Variants in PPP2R2B observed in about 807,000 individuals in gnomAD.
PPP2R2B encodes serine/threonine-protein phosphatase 2A 55 kDa regulatory subunit B beta isoform.
In PPP2R2B, 5 loss-of-function variants were observed where a neutral mutation model predicts 46.0. The ratio of observed to expected loss-of-function variants is 0.11; its 90% confidence interval spans 0.06 to 0.23. The LOEUF (loss-of-function observed/expected upper bound fraction) is 0.23, where lower values mean the gene tolerates loss of function less well. Ranked by LOEUF, PPP2R2B falls within the 10% of genes least tolerant of loss-of-function variation. PPP2R2B has a pLI of 1.00. For missense variants in PPP2R2B, 367 were observed against 575.0 expected (o/e 0.64, Z 3.70); for synonymous variants, 215 against 206.7 (o/e 1.04, Z -0.34).
intron 2 of PPP2R2B, among the ~76,000 whole-genome samples, chr5:146,831,377 A>C (rs1035862203): frequency 1.3e-5 from 2 of 151,826 alleles, no homozygotes; most frequent in Non-Finnish European, 2.9e-5. Context: ...GGTGCCTGTA[A>C]GCCCAGCTAC....
chr5:146,650,479 C>T, intron 6 of PPP2R2B, 68 bp downstream of exon 6: 4 of 1,447,156 alleles, frequency 2.8e-6, no homozygotes, highest in Non-Finnish European at 3.8e-6. Flanking sequence ...CATATTTTCT[C>T]CCAGCCCACT....
chr5:146,869,842 A>C (rs1761512212), intron 2 of PPP2R2B, among the ~76,000 whole-genome samples: 1 of 152,254 alleles, frequency 6.6e-6, no homozygotes, highest in African/African-American at 2.4e-5. Context: ...AGACCTCCCA[A>C]CTTGAGTGTC....
chr5:146,678,151 C>G (rs1283265291), intron 5 of PPP2R2B, among the ~76,000 whole-genome samples: 1 of 152,134 alleles, frequency 6.6e-6, no homozygotes, highest in African/African-American at 2.4e-5. Flanking sequence ...CAATAAAATA[C>G]TGGCAAAACG....
intron 2 of PPP2R2B, among the ~76,000 whole-genome samples, chr5:146,802,253 G>A (rs1756909632): frequency 6.6e-6 from 1 of 152,046 alleles, no homozygotes; most frequent in Admixed American, 6.6e-5. Flanking sequence ...AGAATGCATT[G>A]GATACTTCCA....
chr5:147,017,637 G>A (rs1204952387), intron 1 of PPP2R2B, among the ~76,000 whole-genome samples: 23 of 150,162 alleles, frequency 1.5e-4, no homozygotes. Flanking sequence ...TTGAAGCTAA[G>A]AGGGTAGAAA....
At chr5:146,677,517 ATCCCTCCCTCCC>A (rs138577271) in intron 5 of PPP2R2B, among the ~76,000 whole-genome samples, 357 of 125,324 alleles carry the variant, frequency 2.8e-3, no homozygotes, top group Non-Finnish European at 4.0e-3. Context: ...TAAAAAACTC[ATCCCTCCCTCCC>A]TCCCTCCCTC....
At chr5:147,052,184 G>T (rs62377607) in intron 1 of PPP2R2B, among the ~76,000 whole-genome samples, 1 of 151,836 alleles carries the variant, frequency 6.6e-6, no homozygotes, top group African/African-American at 2.4e-5. Context: ...TTAAAGTATG[G>T]TTACAGAAAG....
intron 2 of PPP2R2B, among the ~76,000 whole-genome samples, chr5:146,702,256 T>C (rs1332705946): frequency 1.3e-5 from 2 of 152,184 alleles, no homozygotes; most frequent in Non-Finnish European, 2.9e-5. Context: ...CCTGATTTAT[T>C]CAGGTAAGTA....
intron 2 of PPP2R2B, among the ~76,000 whole-genome samples, chr5:146,798,305 G>A (rs1245289896): frequency 6.6e-6 from 1 of 152,098 alleles, no homozygotes; most frequent in Non-Finnish European, 1.5e-5. Context: ...GATCTGTCAA[G>A]CCTGCCTTAA....
chr5:146,869,670 A>C (rs1436275710), intron 2 of PPP2R2B, among the ~76,000 whole-genome samples: 4 of 152,226 alleles, frequency 2.6e-5, no homozygotes, highest in African/African-American at 9.6e-5. Flanking sequence ...TTTGGGTAGG[A>C]AAGTGGGATG....
At position 146,742,155 on chromosome 5, in the gene PPP2R2B, G is replaced by A. The variant is rs113935576; in HGVS notation, c.71-41013C>T. Among the ~76,000 whole-genome samples the A allele has an allele frequency of 2.5e-3, 385 of 152,278 alleles. 1 individual carries two copies. Among genetic ancestry groups the A allele is most frequent in the African/African-American group, 8.3e-3 (347 of 41,558 alleles). ...CTGGCTAACCATCTCAACAGCCGCC[G>A]GGGGGAACTTTGCTGTGATACTGCA... On this transcript the variant is annotated intron_variant, in intron 2 of 9. Coordinates refer to ENST00000394411, the MANE Select transcript of PPP2R2B (RefSeq NM_181675.4).
chr5:146,606,049 A>T lies in PPP2R2B; in HGVS notation c.791-5589T>A, dbSNP rs528921546. ...GGGAAAATCTTGAATTCAGTTATTC[A>T]AGAATTCAAAAATAAGAGAAAGAAT... On this transcript the variant is annotated intron_variant, in intron 7 of 9. Coordinates refer to ENST00000394411, the MANE Select transcript of PPP2R2B (RefSeq NM_181675.4). 2.0e-5 allele frequency among the ~76,000 whole-genome samples: 3 copies of T among 152,362 alleles called. No individual in the cohort carries two copies. In the South Asian group the frequency reaches 6.2e-4, roughly 32 times the overall value.
At chr5:147,027,843 T>A (rs1755604065) in intron 1 of PPP2R2B, among the ~76,000 whole-genome samples, 1 of 152,194 alleles carries the variant, frequency 6.6e-6, no homozygotes, top group Non-Finnish European at 1.5e-5. Context: ...AAAGTTCATT[T>A]AAAAATACAT....
chr5:146,754,660 T>C (rs1019513612), intron 2 of PPP2R2B, among the ~76,000 whole-genome samples: 2 of 152,142 alleles, frequency 1.3e-5, no homozygotes, highest in African/African-American at 4.8e-5. Flanking sequence ...TATTGTGGCT[T>C]CCTTCTTGAT....
chr5:146,728,365 T>G (rs1322289815), intron 2 of PPP2R2B, among the ~76,000 whole-genome samples: 2 of 152,142 alleles, frequency 1.3e-5, no homozygotes, highest in Non-Finnish European at 1.5e-5. Flanking sequence ...TAAGAGAGAT[T>G]ATCACTTATT....
chr5:147,008,715 C>T (rs1323251255), intron 1 of PPP2R2B, among the ~76,000 whole-genome samples: 2 of 152,184 alleles, frequency 1.3e-5, no homozygotes, highest in Non-Finnish European at 2.9e-5. Flanking sequence ...AGGAGTCAGC[C>T]TCATTTAAGG....
intron 2 of PPP2R2B, among the ~76,000 whole-genome samples, chr5:146,854,220 C>G (rs147727380): frequency 0.011 from 1,620 of 152,164 alleles, 35 homozygotes; most frequent in African/African-American, 0.037. Context: ...TCAGAGAGAG[C>G]CCTACAAGGC....
chr5:146,721,000 G>A (rs926343968), intron 2 of PPP2R2B, among the ~76,000 whole-genome samples: 2 of 152,134 alleles, frequency 1.3e-5, no homozygotes, highest in Admixed American at 1.3e-4. Context: ...ACTCCAAAAT[G>A]TTTTAGAGAA....
At chr5:146,888,303 T>A (rs931244982) in intron 1 of PPP2R2B, among the ~76,000 whole-genome samples, 1 of 152,150 alleles carries the variant, frequency 6.6e-6, no homozygotes, top group Non-Finnish European at 1.5e-5. Context: ...TCCCTAATTC[T>A]GCCCCACAAT....
Sources: gnomAD v4.1 joint callset for allele counts (sites outside exome capture counted in the v4.1 genomes callset) on GRCh38, gnomAD v4.1.1 for gene constraint, MANE v1.5 for transcripts, NCBI Gene and HGNC (gene_info 2026-07-23, HGNC 2026-07-21) for gene names.